LSM11: variants seen among roughly 807,000 people sequenced by gnomAD.
The protein encoded by LSM11 is U7 snRNA-associated Sm-like protein LSm11.
In LSM11, 14 loss-of-function variants were observed where a neutral mutation model predicts 28.1. That is an observed-to-expected ratio of 0.50 (90% confidence interval 0.33 to 0.78). The LOEUF is 0.78. Ranked by LOEUF, LSM11 falls within the 30% of genes least tolerant of loss-of-function variation. The pLI, the probability that LSM11 is intolerant of heterozygous loss-of-function variation, is 0.02. For missense variants in LSM11, 495 were observed against 510.6 expected, an observed-to-expected ratio of 0.97 and a Z score of 0.30; for synonymous variants, 207 against 214.2, an observed-to-expected ratio of 0.97 and a Z score of 0.30.
chr5:157,758,764 G>A lies in LSM11; in HGVS notation c.*3500G>A, dbSNP rs1192539177. 1.3e-5 allele frequency: 2 copies of A among 152,152 alleles called. No individual in the cohort carries two copies. Among genetic ancestry groups the A allele is most frequent in the Admixed American group, 1.3e-4 (2 of 15,268 alleles). 9.4% of individuals were successfully genotyped at this position (152,152 alleles called of 1,614,324 possible). ...TTCTTCAAAGTAATCTTTAAACATG[G>A]GAATATGTTTTCAAGACAATTTATA... On this transcript the variant is annotated 3_prime_UTR_variant, in exon 4 of 4. Transcript: ENST00000286307.
At chr5:157,749,586 G>GCACA (rs1291962623) in intron 1 of LSM11, among the ~76,000 whole-genome samples, 8,685 of 149,686 alleles carry the variant, frequency 0.058, 305 homozygotes, top group Middle Eastern at 0.087. Context: ...GCGCGCACGC[G>GCACA]CGCACACACA....
In LSM11 at chr5:157,759,739, A is replaced by G. The variant is rs1422649782; in HGVS notation, c.*4475A>G. The G allele has an allele frequency of 1.3e-5, 2 of 152,046 alleles. No homozygotes were observed. Among genetic ancestry groups the G allele is most frequent in the Non-Finnish European group, 2.9e-5 (2 of 68,028 alleles). 9.4% of individuals were successfully genotyped at this position (152,046 alleles called of 1,614,324 possible). Reference sequence around the variant, plus strand: ...TTTCTTCTCCCAGAAGGCTTTTCTTAGTGGTTGTAAATGCAAGAATCCTGA... The same window carrying G: ...TTTCTTCTCCCAGAAGGCTTTTCTTGGTGGTTGTAAATGCAAGAATCCTGA... On this transcript the variant is annotated 3_prime_UTR_variant, in exon 4 of 4. Transcript: ENST00000286307.
rs7725733 is a variant in LSM11, at chr5:157,760,195, A to G, written c.*4931A>G. ...TTTTGATTTTTAGTCCTTTGGAACA[A>G]ATGTGTGATGTTATGTCTGATGTTG... is the stretch of plus-strand genomic sequence containing the variant. On this transcript the variant is annotated 3_prime_UTR_variant, in exon 4 of 4. Transcript: ENST00000286307. 0.35 allele frequency: 53,058 copies of G among 152,036 alleles called. 9,428 individuals are homozygous for G. Among genetic ancestry groups the G allele is most frequent in the East Asian group, 0.56 (2,881 of 5,168 alleles). The allele number at this position is 152,036 out of a possible 1,614,324, so 9.4% of individuals were successfully genotyped here.
rs186227881 is a variant in LSM11, at chr5:157,759,727, A to G, written c.*4463A>G. 6.6e-6 allele frequency: 1 copy of G among 152,220 alleles called. No individual in the cohort carries two copies. The highest frequency in any genetic ancestry group is 2.4e-5 in the African/African-American group (1 of 41,530). 9.4% of individuals were successfully genotyped at this position (152,220 alleles called of 1,614,324 possible). ...CCAGTCTGTGCTTTTCTTCTCCCAG[A>G]AGGCTTTTCTTAGTGGTTGTAAATG... is the stretch of plus-strand genomic sequence containing the variant. On this transcript the variant is annotated 3_prime_UTR_variant, in exon 4 of 4. Coordinates refer to ENST00000286307, the MANE Select transcript of LSM11 (RefSeq NM_173491.4).
Position 157,755,311 on chromosome 5 carries a change from G to C in LSM11, c.*47G>C. ...TTTTTAGAAATAAAGTGCATGAATT[G>C]CTGCTATGCTGTATCCTAGTATCCC... On this transcript the variant is annotated 3_prime_UTR_variant, in exon 4 of 4. Transcript: ENST00000286307. The C allele has an allele frequency of 1.3e-6, 2 of 1,556,008 alleles. No individual in the cohort carries two copies. The highest frequency in any genetic ancestry group is 1.8e-6 in the Non-Finnish European group (2 of 1,142,608).
chr5:157,744,144 A>AG lies in LSM11; in HGVS notation c.398dup (p.Pro134SerfsTer25). 6.9e-7 allele frequency: 1 copy of AG among 1,453,674 alleles called. No homozygotes were observed. The highest frequency in any genetic ancestry group is 9.1e-7 in the Non-Finnish European group (1 of 1,104,852). 90.0% of individuals were successfully genotyped at this position (1,453,674 alleles called of 1,614,324 possible). On this transcript the variant is annotated frameshift_variant, in exon 1 of 4. Transcript: ENST00000286307. LOFTEE classifies it high-confidence loss of function. ...GGACGGGGCCGCAGGAGCGGGCCGG[A>AG]GGGGTCCGGGTCGGAGCAGGAAGGC...
At chr5:157,744,231 G>A in intron 1 of LSM11, 33 bp downstream of exon 1, 1 of 1,244,840 alleles carries the variant, frequency 8.0e-7, no homozygotes, top group African/African-American at 1.6e-5. Context: ...AAGCGGGGCA[G>A]CCGCCGTCCG....
intron 2 of LSM11, 46 bp from the exon 3 acceptor site, chr5:157,753,958 A>T: frequency 1.7e-6 from 2 of 1,181,572 alleles, no homozygotes; most frequent in Non-Finnish European, 1.2e-6. Context: ...TACAAATAAT[A>T]ATTTTAATTC....
intron 3 of LSM11, 30 bp from the exon 4 acceptor site, chr5:157,754,824 G>C (rs1200125280): frequency 1.9e-6 from 3 of 1,585,800 alleles, no homozygotes; most frequent in African/African-American, 1.3e-5. Flanking sequence ...CTAAAGAGAA[G>C]GCTAATATTT....
In LSM11 at chr5:157,759,951, A is replaced by G. The variant is rs1420692333; in HGVS notation, c.*4687A>G. 1.3e-5 allele frequency: 2 copies of G among 152,252 alleles called. No individual in the cohort carries two copies. The highest frequency in any genetic ancestry group is 4.8e-5 in the African/African-American group (2 of 41,472). The allele number at this position is 152,252 out of a possible 1,614,324, so 9.4% of individuals were successfully genotyped here. On this transcript the variant is annotated 3_prime_UTR_variant, in exon 4 of 4. Coordinates refer to ENST00000286307, the MANE Select transcript of LSM11 (RefSeq NM_173491.4). ...GTTATCTTGCACTGCTCTAATAAAAATGAAAGCTCTCTGACAAGAAATAGT... is the reference window on the plus strand; with the variant it reads ...GTTATCTTGCACTGCTCTAATAAAAGTGAAAGCTCTCTGACAAGAAATAGT...
At chr5:157,749,573 C>T (rs991029266) in intron 1 of LSM11, among the ~76,000 whole-genome samples, 7 of 83,538 alleles carry the variant, frequency 8.4e-5, no homozygotes, top group African/African-American at 2.3e-4. Flanking sequence ...CACATATACA[C>T]GCGCGCGCAC....
chr5:157,749,837 C>T (rs957931043), intron 1 of LSM11, among the ~76,000 whole-genome samples: 4 of 152,126 alleles, frequency 2.6e-5, no homozygotes, highest in African/African-American at 4.8e-5. Context: ...TTTATCACAG[C>T]CATCATTTAT....
rs1761329250 is a variant in LSM11 at position 157,756,414 on chromosome 5, G to C, written c.*1150G>C. ...TTTTTCAATCACTAGTGCAGAATAG[G>C]CTGCATTTGACACAGACTGTTAGGC... On this transcript the variant is annotated 3_prime_UTR_variant, in exon 4 of 4. Coordinates refer to ENST00000286307, the MANE Select transcript of LSM11 (RefSeq NM_173491.4). The C allele has an allele frequency of 6.6e-6, 1 of 152,590 alleles. No homozygotes were observed. The highest frequency in any genetic ancestry group is 2.4e-5 in the African/African-American group (1 of 41,446). 9.5% of individuals were successfully genotyped at this position (152,590 alleles called of 1,614,324 possible).
intron 1 of LSM11, among the ~76,000 whole-genome samples, chr5:157,745,293 C>T (rs919161321): frequency 1.1e-4 from 17 of 152,128 alleles, no homozygotes; most frequent in Non-Finnish European, 2.4e-4. Flanking sequence ...AAGCAAGGGA[C>T]TGTTTTGCTT....
intron 2 of LSM11, 36 bp from the exon 3 acceptor site, chr5:157,753,968 C>A (rs1581452665): frequency 1.5e-6 from 2 of 1,319,410 alleles, no homozygotes; most frequent in South Asian, 1.7e-5. Flanking sequence ...AATTTTAATT[C>A]TGTCTAATGT....
At chr5:157,747,320 AG>A (rs1218249239) in intron 1 of LSM11, among the ~76,000 whole-genome samples, 6 of 152,186 alleles carry the variant, frequency 3.9e-5, no homozygotes, top group African/African-American at 1.2e-4. Context: ...TGTAAGAAAA[AG>A]TGTTATCATT....
In LSM11 at chr5:157,757,457, G is replaced by A. The variant is rs548178696; in HGVS notation, c.*2193G>A. On this transcript the variant is annotated 3_prime_UTR_variant, in exon 4 of 4. Transcript: ENST00000286307. The stretch of plus-strand genomic sequence containing the variant: ...AAATGGAGAATGAGCATCTAAAAAT[G>A]ACACATCCCGAAAGGGCAATCTGTG... 1 of 152,286 alleles carries A rather than the reference G, an allele frequency of 6.6e-6. No individual in the cohort carries two copies. The highest frequency in any genetic ancestry group is 2.4e-5 in the African/African-American group (1 of 41,542). 9.4% of individuals were successfully genotyped at this position (152,286 alleles called of 1,614,324 possible).
At chr5:157,752,511 G>C (rs1479458450) in intron 2 of LSM11, among the ~76,000 whole-genome samples, 1 of 152,024 alleles carries the variant, frequency 6.6e-6, no homozygotes, top group Non-Finnish European at 1.5e-5. Context: ...ATTTGTAGGA[G>C]AGAAGGGATA....
In LSM11 at chr5:157,745,968, C is replaced by G. The variant is rs141320819; in HGVS notation, c.448+1770C>G. 3.3e-5 allele frequency among the ~76,000 whole-genome samples: 5 copies of G among 152,286 alleles called. No homozygotes were observed. The East Asian group carries it at 7.7e-4, about 24-fold the overall frequency. ...GAATCACAAAACTACCTATTGGGTA[C>G]TGTGATCACTACCTGGGTGACAAAA... On this transcript the variant is annotated intron_variant, in intron 1 of 3. Coordinates refer to ENST00000286307, the MANE Select transcript of LSM11 (RefSeq NM_173491.4).
Sources: allele counts gnomAD v4.1 joint callset (sites outside exome capture counted in the v4.1 genomes callset), GRCh38; gene constraint gnomAD v4.1.1; transcripts MANE v1.5; gene names NCBI Gene and HGNC (gene_info 2026-07-23, HGNC 2026-07-21).